CSMD1: variants seen among roughly 807,000 people sequenced by gnomAD.
CSMD1 encodes the protein CUB and Sushi multiple domains 1.
A neutral mutation model predicts 417.5 loss-of-function variants in CSMD1; 213 were observed. The ratio of observed to expected loss-of-function variants is 0.51; its 90% CI spans 0.46 to 0.57. CSMD1 has a LOEUF of 0.57. Among genes scored for constraint, CSMD1 ranks in the 20% least tolerant of loss-of-function variants. CSMD1 has a pLI of 0.00. For missense variants in CSMD1, 6,923 were observed against 4,529.7 expected, an observed-to-expected ratio of 1.53 and a Z score of -15.17; for synonymous variants, 2,862 against 1,736.8, an observed-to-expected ratio of 1.65 and a Z score of -16.11.
rs574134624 is a variant in CSMD1 at position 4,272,338 on chromosome 8, G to C, written c.415+147615C>G. 9.2e-5 allele frequency among the ~76,000 whole-genome samples: 14 copies of C among 152,174 alleles called. No homozygotes were observed. The South Asian group carries it at 1.2e-3, about 14-fold the overall frequency. ...CATAACAAAACTACATTGAACAAAA[G>C]CATGTTATTCCACTAATTGCTGTAC... On this transcript the variant is annotated intron_variant, in intron 3 of 69. Transcript: ENST00000635120.
rs144671369 is a variant in CSMD1, at chr8:4,614,863, G to C, written c.302+22479C>G. 1.5e-4 allele frequency among the ~76,000 whole-genome samples: 23 copies of C among 152,150 alleles called. No individual in the cohort carries two copies. The East Asian group carries it at 4.1e-3, about 27-fold the overall frequency. The stretch of plus-strand genomic sequence containing the variant: ...AAAATGAATAATATGAAAACCTAAA[G>C]ATATAAAGTATTATTAATATTTTCT... On this transcript the variant is annotated intron_variant, in intron 2 of 69. Coordinates refer to ENST00000635120, the MANE Select transcript of CSMD1 (RefSeq NM_033225.6).
chr8:4,294,045 G>T (rs1356543400), intron 3 of CSMD1, among the ~76,000 whole-genome samples: 1 of 152,130 alleles, frequency 6.6e-6, no homozygotes, highest in Non-Finnish European at 1.5e-5. Flanking sequence ...TTATTGCGTG[G>T]TTCTCAAGTG....
intron 28 of CSMD1, 31 bp from the exon 29 acceptor site, chr8:3,219,473 G>T: frequency 5.1e-6 from 7 of 1,368,018 alleles, no homozygotes; most frequent in Non-Finnish European, 6.7e-6. Context: ...TATGTCATAC[G>T]GCTAACAGAT....
intron 1 of CSMD1, among the ~76,000 whole-genome samples, chr8:4,775,934 A>C (rs1796832815): frequency 6.6e-6 from 1 of 152,238 alleles, no homozygotes. Context: ...ATCCTGAATT[A>C]GTCAAGGCAG....
intron 3 of CSMD1, among the ~76,000 whole-genome samples, chr8:4,061,529 T>C (rs1198645588): frequency 6.6e-6 from 1 of 152,190 alleles, no homozygotes; most frequent in Non-Finnish European, 1.5e-5. Flanking sequence ...TGGGAGAAGC[T>C]GCAGTGAAGA....
At chr8:3,285,140 C>A (rs540716129) in intron 25 of CSMD1, among the ~76,000 whole-genome samples, 1 of 152,056 alleles carries the variant, frequency 6.6e-6, no homozygotes, top group Admixed American at 6.6e-5. Context: ...TTATTTCCTG[C>A]GTATTGCACA....
chr8:3,780,710 G>A (rs997333288), intron 5 of CSMD1, among the ~76,000 whole-genome samples: 1 of 152,192 alleles, frequency 6.6e-6, no homozygotes, highest in Non-Finnish European at 1.5e-5. Context: ...AGCCTGGTGA[G>A]AAATGCACAG....
chr8:3,360,620 CT>C (rs1358848663), intron 20 of CSMD1, among the ~76,000 whole-genome samples: 1 of 152,138 alleles, frequency 6.6e-6, no homozygotes, highest in Non-Finnish European at 1.5e-5. Context: ...GAAAGGCCAA[CT>C]AAAAGATGTG....
intron 5 of CSMD1, among the ~76,000 whole-genome samples, chr8:3,877,566 G>C (rs1274179959): frequency 6.6e-6 from 1 of 152,156 alleles, no homozygotes; most frequent in Non-Finnish European, 1.5e-5. Flanking sequence ...AGAAAAAAAT[G>C]AGCTCTTCAG....
chr8:4,212,004 G>A (rs1203301359), intron 3 of CSMD1, among the ~76,000 whole-genome samples: 3 of 151,990 alleles, frequency 2.0e-5, no homozygotes, highest in Non-Finnish European at 4.4e-5. Flanking sequence ...AATAGCAGTT[G>A]AAACTTGCAT....
chr8:3,115,130 T>C (rs1421246663), intron 42 of CSMD1, among the ~76,000 whole-genome samples: 1 of 151,992 alleles, frequency 6.6e-6, no homozygotes, highest in African/African-American at 2.4e-5. Flanking sequence ...CATATTTAAT[T>C]AGAAAATTAC....
chr8:3,201,781 G>A (rs1408412046), intron 31 of CSMD1, 56 bp from the exon 32 acceptor site: 83 of 1,012,106 alleles, frequency 8.2e-5, no homozygotes, highest in Non-Finnish European at 1.2e-4. Context: ...ACAAAATGGA[G>A]ATTTTTGATT....
intron 17 of CSMD1, among the ~76,000 whole-genome samples, chr8:3,394,157 A>G (rs540120628): frequency 9.4e-4 from 137 of 145,730 alleles, no homozygotes; most frequent in Admixed American, 4.7e-3. Flanking sequence ...AACACAGGAT[A>G]AATGAAAAGA....
intron 3 of CSMD1, among the ~76,000 whole-genome samples, chr8:4,278,794 T>A (rs1292537469): frequency 6.6e-6 from 1 of 152,202 alleles, no homozygotes; most frequent in Non-Finnish European, 1.5e-5. Context: ...TGGAATGCTT[T>A]CATTTGTGTT....
intron 10 of CSMD1, among the ~76,000 whole-genome samples, chr8:3,502,696 TA>T (rs2117350547): frequency 6.6e-6 from 1 of 152,222 alleles, no homozygotes; most frequent in East Asian, 1.9e-4. Flanking sequence ...TAGTGATTGT[TA>T]GGGGTTAGAA....
chr8:3,099,963 T>C (rs1172849307), intron 46 of CSMD1, among the ~76,000 whole-genome samples: 6 of 152,220 alleles, frequency 3.9e-5, no homozygotes, highest in Admixed American at 3.3e-4. Context: ...CTTAAAATAC[T>C]TAGCAATACT....
intron 3 of CSMD1, among the ~76,000 whole-genome samples, chr8:4,388,963 C>T (rs980267485): frequency 6.6e-6 from 1 of 152,160 alleles, no homozygotes; most frequent in Non-Finnish European, 1.5e-5. Context: ...CGTCTCTTAC[C>T]TCACACACTT....
intron 1 of CSMD1, among the ~76,000 whole-genome samples, chr8:4,930,001 A>C (rs1239243174): frequency 6.6e-6 from 1 of 152,190 alleles, no homozygotes; most frequent in South Asian, 2.1e-4. Flanking sequence ...ATTCACGTTA[A>C]GCACTGATGA....
chr8:4,375,086 G>C (rs970085366), intron 3 of CSMD1, among the ~76,000 whole-genome samples: 5 of 151,936 alleles, frequency 3.3e-5, no homozygotes, highest in Middle Eastern at 3.2e-3. Flanking sequence ...AATATTTCCA[G>C]GCATGTTCAT....
Sources: gnomAD v4.1 joint callset for allele counts (sites outside exome capture counted in the v4.1 genomes callset) on GRCh38, gnomAD v4.1.1 for gene constraint, MANE v1.5 for transcripts, NCBI Gene and HGNC (gene_info 2026-07-23, HGNC 2026-07-21) for gene names.